The following PRKAR2A variants were observed in gnomAD, a reference collection of about 807,000 sequenced individuals.
PRKAR2A encodes the protein cAMP-dependent protein kinase type II-alpha regulatory subunit.
In PRKAR2A, 29 loss-of-function variants were observed where a neutral mutation model predicts 51.9. The ratio of observed to expected loss-of-function variants is 0.56; its 90% confidence interval spans 0.42 to 0.76. The LOEUF is 0.76. PRKAR2A is among the 30% of genes least tolerant of loss of function. PRKAR2A has a pLI of 0.00. For missense variants in PRKAR2A, 445 were observed against 512.1 expected (o/e 0.87, Z 1.26); for synonymous variants, 178 against 186.2 (o/e 0.96, Z 0.36).
intron 2 of PRKAR2A, among the ~76,000 whole-genome samples, chr3:48,805,409 G>C (rs368779794): frequency 1.3e-5 from 2 of 152,356 alleles, no homozygotes; most frequent in African/African-American, 4.8e-5. Context: ...GCTGCACTGA[G>C]AGAACAGGGT....
chr3:48,791,672 C>G (rs529347616), intron 3 of PRKAR2A, among the ~76,000 whole-genome samples: 1 of 148,104 alleles, frequency 6.8e-6, no homozygotes, highest in East Asian at 2.0e-4. Context: ...TTTGAGAGGC[C>G]GAGGTGGGTG....
At chr3:48,759,063 A>C (rs2081822090) in intron 8 of PRKAR2A, among the ~76,000 whole-genome samples, 1 of 152,244 alleles carries the variant, frequency 6.6e-6, no homozygotes, top group Admixed American at 6.5e-5. Context: ...GGATTATGAT[A>C]ATGTGAAACA....
chr3:48,765,308 T>C lies in PRKAR2A; in HGVS notation c.738A>G (p.Ala246=). ...ATGATTCAAACATCTTCCTCTTCTT[T>C]GCATTATTTTTCACTATGATTCTTC... ...TFRRIIVKNN[A]KKRKMFESFI... Residue 246 remains alanine, a synonymous_variant, in exon 7 of 11, where the codon GCA becomes GCG. Transcript: ENST00000265563. The C allele has an allele frequency of 1.9e-6, 3 of 1,612,388 alleles. No homozygotes were observed. In the South Asian group the frequency reaches 3.3e-5, roughly 18 times the overall value.
intron 6 of PRKAR2A, among the ~76,000 whole-genome samples, chr3:48,772,496 C>T (rs1181277312): frequency 3.9e-5 from 6 of 152,102 alleles, no homozygotes; most frequent in Admixed American, 3.3e-4. Flanking sequence ...TGTGAGTCAC[C>T]GTGCCTGGCC....
chr3:48,845,549 T>C (rs1278205449), intron 1 of PRKAR2A, among the ~76,000 whole-genome samples: 1 of 152,246 alleles, frequency 6.6e-6, no homozygotes, highest in Non-Finnish European at 1.5e-5. Flanking sequence ...ATTTTAGTTG[T>C]TCAAAAGTAG....
chr3:48,822,351 T>C (rs377503118), intron 1 of PRKAR2A, among the ~76,000 whole-genome samples: 22 of 152,130 alleles, frequency 1.4e-4, no homozygotes, highest in East Asian at 9.6e-4. Context: ...GTCCCTGGCC[T>C]GTAGAAGCAT....
At chr3:48,812,628 G>A (rs1031345051) in intron 1 of PRKAR2A, among the ~76,000 whole-genome samples, 18 of 151,994 alleles carry the variant, frequency 1.2e-4, no homozygotes, top group Middle Eastern at 3.4e-3. Context: ...GACTACAGGC[G>A]CCTGCCACCA....
intron 1 of PRKAR2A, among the ~76,000 whole-genome samples, chr3:48,839,786 T>C (rs1336307691): frequency 6.6e-6 from 1 of 152,136 alleles, no homozygotes; most frequent in Non-Finnish European, 1.5e-5. Flanking sequence ...TTGAAACATA[T>C]CCTATTTCTA....
Position 48,783,071 on chromosome 3 carries a change from C to A in PRKAR2A, c.457G>T (p.Asp153Tyr). ...TTGACTATCCTTTCAAACATGGCAT[C>A]GAGAACTTGAGAAAGCTGTTCCTGC... is the stretch of plus-strand genomic sequence containing the variant. Reference protein sequence around the residue: ...LDQEQLSQVLDAMFERIVKAD... With the variant: ...LDQEQLSQVLYAMFERIVKAD... Residue 153 changes from aspartate (D) to tyrosine (Y), a missense_variant, in exon 5 of 11, where the codon GAT becomes TAT. Coordinates refer to ENST00000265563, the MANE Select transcript of PRKAR2A (RefSeq NM_004157.4). 1.2e-6 allele frequency: 2 copies of A among 1,613,258 alleles called. No individual in the cohort carries two copies.
Position 48,818,569 on chromosome 3 carries a change from G to A in PRKAR2A, c.263-10885C>T, listed in dbSNP as rs151146191. Among the ~76,000 whole-genome samples, 320 of 152,186 alleles carry A rather than the reference G, an allele frequency of 2.1e-3. 2 individuals are homozygous for A. The highest frequency in any genetic ancestry group is 2.9e-3 in the Admixed American group (45 of 15,280). ...GTTCGAGACAAGTTTGGGCAACAGAGTGAGACCCTGTCTCTACAAAAAAAA... is the reference window on the plus strand; with the variant it reads ...GTTCGAGACAAGTTTGGGCAACAGAATGAGACCCTGTCTCTACAAAAAAAA... On this transcript the variant is annotated intron_variant, in intron 1 of 10. Transcript: ENST00000265563.
At chr3:48,816,166 G>C (rs1308069508) in intron 1 of PRKAR2A, among the ~76,000 whole-genome samples, 1 of 151,974 alleles carries the variant, frequency 6.6e-6, no homozygotes, top group Non-Finnish European at 1.5e-5. Context: ...CACAGCCTGT[G>C]TGTGTACATC....
chr3:48,794,078 A>G, intron 2 of PRKAR2A, 29 bp from the exon 3 acceptor site: 3 of 1,539,960 alleles, frequency 1.9e-6, no homozygotes, highest in Non-Finnish European at 2.7e-6. Flanking sequence ...AAACAAAAAG[A>G]ATGAATTTAA....
intron 6 of PRKAR2A, among the ~76,000 whole-genome samples, chr3:48,769,878 G>C (rs2082004509): frequency 6.6e-6 from 1 of 152,052 alleles, no homozygotes; most frequent in Non-Finnish European, 1.5e-5. Context: ...CTTAGGCCCA[G>C]GTGATCCTCC....
chr3:48,745,527 G>GTTTTTTTTTT (rs34668049), downstream of PRKAR2A, among the ~76,000 whole-genome samples: 1 of 70,430 alleles, frequency 1.4e-5, no homozygotes, highest in Admixed American at 2.0e-4. Context: ...TTTGGATAAG[G>GTTTTTTTTTT]TTTTTTTTTT....
At chr3:48,760,753 T>C (rs892859320) in intron 8 of PRKAR2A, among the ~76,000 whole-genome samples, 1 of 148,696 alleles carries the variant, frequency 6.7e-6, no homozygotes, top group Admixed American at 6.8e-5. Flanking sequence ...GAGAATCGCT[T>C]GAACACAGGA....
Position 48,825,557 on chromosome 3 carries a change from T to A in PRKAR2A, c.263-17873A>T, listed in dbSNP as rs886445859. On this transcript the variant is annotated intron_variant, in intron 1 of 10. Coordinates refer to ENST00000265563, the MANE Select transcript of PRKAR2A (RefSeq NM_004157.4). ...TACCTGGGAGGCTGAGGCACAAGAA[T>A]TGCTTGAACCTGGGAGGCAAAGGTT... Among the ~76,000 whole-genome samples the A allele has an allele frequency of 3.9e-5, 6 of 152,144 alleles. No homozygotes were observed. In the South Asian group the frequency reaches 6.2e-4, roughly 16 times the overall value.
chr3:48,783,815 A>T (rs2107291246), intron 4 of PRKAR2A, among the ~76,000 whole-genome samples: 1 of 152,242 alleles, frequency 6.6e-6, no homozygotes, highest in South Asian at 2.1e-4. Flanking sequence ...TCCTGACCTC[A>T]TGTAATCCAC....
chr3:48,794,046 C>T lies in PRKAR2A; in HGVS notation c.302G>A (p.Cys101Tyr). The T allele has an allele frequency of 6.2e-7, 1 of 1,601,502 alleles. No individual in the cohort carries two copies. Among genetic ancestry groups the T allele is most frequent in the South Asian group, 1.1e-5 (1 of 89,928 alleles). ...CTCATCAGGGTTATAGGTCTCAGCACAGACTAAAATTGGAGAGAAAAAAAC... is the reference window on the plus strand; with the variant it reads ...CTCATCAGGGTTATAGGTCTCAGCATAGACTAAAATTGGAGAGAAAAAAAC... ...PSRFNRRVSV[C>Y]AETYNPDEEE... Residue 101 changes from cysteine to tyrosine, a missense_variant, in exon 3 of 11, where the codon TGT becomes TAT. Cys to Tyr is a radical substitution (Grantham distance 194). Coordinates refer to ENST00000265563, the MANE Select transcript of PRKAR2A (RefSeq NM_004157.4).
chr3:48,763,973 T>C (rs1405343694), intron 8 of PRKAR2A, among the ~76,000 whole-genome samples: 1 of 152,196 alleles, frequency 6.6e-6, no homozygotes, highest in Non-Finnish European at 1.5e-5. Context: ...GGAGCTTTTT[T>C]CTCCCCTTTT....
Sources: allele counts gnomAD v4.1 joint callset (sites outside exome capture counted in the v4.1 genomes callset), GRCh38; gene constraint gnomAD v4.1.1; transcripts MANE v1.5; gene names NCBI Gene and HGNC (gene_info 2026-07-23, HGNC 2026-07-21).